The following CREBBP variants were observed in gnomAD, a reference collection of about 807,000 sequenced individuals.
The protein encoded by CREBBP is CREB binding lysine acetyltransferase.
In CREBBP, 19 loss-of-function variants were observed where a neutral mutation model predicts 265.0. That is an observed-to-expected ratio of 0.07 (90% CI 0.05 to 0.11). The LOEUF (loss-of-function observed/expected upper bound fraction) is 0.11, where lower values mean the gene tolerates loss of function less well. Among genes scored for constraint, CREBBP ranks in the 10% least tolerant of loss-of-function variants. The probability of loss-of-function intolerance (pLI) is 1.00; values close to 1 mark genes in which losing one functional copy is unlikely to be tolerated. For synonymous variants in CREBBP, 1,457 were observed against 1,223.7 expected, an observed-to-expected ratio of 1.19 and a Z score of -3.98; for missense variants, 2,525 against 3,219.0, an observed-to-expected ratio of 0.78 and a Z score of 5.22.
intron 16 of CREBBP, among the ~76,000 whole-genome samples, chr16:3,764,184 G>T (rs1216371661): frequency 6.6e-6 from 1 of 152,080 alleles, no homozygotes; most frequent in South Asian, 2.1e-4. Flanking sequence ...TGTTGCCCAG[G>T]CTGGCTTGAA....
At chr16:3,853,437 T>A (rs543175927) in intron 1 of CREBBP, among the ~76,000 whole-genome samples, 2 of 150,676 alleles carry the variant, frequency 1.3e-5, no homozygotes, top group African/African-American at 4.9e-5. Flanking sequence ...GGTGAAACCC[T>A]GTCTCTACTA....
intron 15 of CREBBP, among the ~76,000 whole-genome samples, chr16:3,768,749 C>T (rs2052925801): frequency 6.6e-6 from 1 of 152,112 alleles, no homozygotes; most frequent in Non-Finnish European, 1.5e-5. Context: ...TTGCAATTTC[C>T]TGATTTTTAA....
At chr16:3,873,049 A>C (rs1242655900) in intron 1 of CREBBP, among the ~76,000 whole-genome samples, 2 of 152,112 alleles carry the variant, frequency 1.3e-5, no homozygotes, top group African/African-American at 4.8e-5. Flanking sequence ...CCTTTCCTTA[A>C]GTTTTGCCTC....
At chr16:3,853,031 A>C (rs2054885902) in intron 1 of CREBBP, among the ~76,000 whole-genome samples, 1 of 151,536 alleles carries the variant, frequency 6.6e-6, no homozygotes, top group South Asian at 2.1e-4. Context: ...CAGACTCTAT[A>C]CTGGGGCTGC....
Position 3,810,766 on chromosome 16 carries a change from C to T in CREBBP, c.812G>A (p.Gly271Glu), listed in dbSNP as rs1567331479. 6.2e-7 allele frequency: 1 copy of T among 1,613,776 alleles called. No individual in the cohort carries two copies. The change falls in exon 3 of 31, where the codon GGG becomes GAG. Residue 271 changes from glycine to glutamate, a missense_variant. By Grantham distance (98) the Gly-to-Glu change is moderately conservative (BLOSUM62 -2). Coordinates refer to ENST00000262367, the MANE Select transcript of CREBBP (RefSeq NM_004380.3). ...GGGCTGTCCAAATGGACTTGTGTTC[C>T]CAGTTATTCCCATCTGAAACAAAAA... ...AGGMAKMGIT[G>E]NTSPFGQPFS...
chr16:3,764,634 A>G (rs1461521721), intron 16 of CREBBP, among the ~76,000 whole-genome samples: 1 of 152,150 alleles, frequency 6.6e-6, no homozygotes, highest in Non-Finnish European at 1.5e-5. Flanking sequence ...TCCAGGCTGG[A>G]GTCCAACAGT....
At chr16:3,810,813 G>A in intron 2 of CREBBP, 34 bp from the exon 3 acceptor site, 1 of 1,608,464 alleles carries the variant, frequency 6.2e-7, no homozygotes, top group Non-Finnish European at 8.5e-7. Context: ...CAGCTGTGGT[G>A]ACGCAGTCAA....
At position 3,770,755 on chromosome 16, in the gene CREBBP, G is replaced by A. The variant is rs1186080322; in HGVS notation, c.2695C>T (p.Pro899Ser). 6.2e-7 allele frequency: 1 copy of A among 1,614,134 alleles called. No homozygotes were observed. Among genetic ancestry groups the A allele is most frequent in the Non-Finnish European group, 8.5e-7 (1 of 1,180,028 alleles). The part of the protein sequence containing the change: ...STPVSSSGQT[P>S]TPTPGSVPSA... ...GGCACTGAGCCAGGAGTCGGGGTGG[G>A]AGTCTGCCCGGAAGACGACACAGGA... Residue 899 changes from proline (P) to serine (S), a missense_variant, in exon 14 of 31, where the codon CCC becomes TCC. By Grantham distance (74) the Pro-to-Ser change is moderately conservative. Around this residue, in one of 19 missense-constraint regions of CREBBP, gnomAD observed 548 missense variants for 533.0 expected, o/e 1.03. Coordinates refer to ENST00000262367, the MANE Select transcript of CREBBP (RefSeq NM_004380.3).
In CREBBP at chr16:3,782,557, GATT is replaced by G. The variant is rs1029895679; in HGVS notation, c.1573+124_1573+126del. On this transcript the variant is annotated intron_variant, in intron 6 of 30. Coordinates refer to ENST00000262367, the MANE Select transcript of CREBBP (RefSeq NM_004380.3). ...CAGATACTTCAGCTTTTTCCTGGGA[GATT>G]TTTTATTTCAACCACCGTAGTAAAA... 3 of 1,273,112 alleles carry G rather than the reference GATT, an allele frequency of 2.4e-6. No homozygotes were observed. In the African/African-American group the frequency reaches 4.5e-5, roughly 19 times the overall value. 78.9% of individuals were successfully genotyped at this position (1,273,112 alleles called of 1,614,324 possible).
chr16:3,784,782 C>T (rs9923323), intron 5 of CREBBP, among the ~76,000 whole-genome samples: 1,755 of 152,278 alleles, frequency 0.012, 35 homozygotes, highest in African/African-American at 0.04. Context: ...CTAAAATGCC[C>T]CACCTTACAG....
intron 1 of CREBBP, among the ~76,000 whole-genome samples, chr16:3,856,084 T>C (rs1048685707): frequency 2.0e-5 from 3 of 152,300 alleles, no homozygotes; most frequent in Non-Finnish European, 4.4e-5. Context: ...CAACTACAAA[T>C]AAAAGGAAAA....
rs780907309 is a variant in CREBBP, at chr16:3,739,590, G to C, written c.4268C>G (p.Pro1423Arg). ...HVQEYGSDCP[P>R]PNTRRVYISY... ...GCTGGAAAACTACCTCGTGTTTGGA[G>C]GGGGGCAATCAGAGCCGTATTCTTG... is the stretch of plus-strand genomic sequence containing the variant. The change falls in exon 25 of 31, where the codon CCT becomes CGT. Residue 1423 changes from proline to arginine, a missense_variant. Around this residue, in one of 19 missense-constraint regions of CREBBP, gnomAD observed 252 missense variants for 452.5 expected, o/e 0.56. Coordinates refer to ENST00000262367, the MANE Select transcript of CREBBP (RefSeq NM_004380.3). 1.2e-6 allele frequency: 2 copies of C among 1,614,162 alleles called. No individual in the cohort carries two copies. Among genetic ancestry groups the C allele is most frequent in the Non-Finnish European group, 1.7e-6 (2 of 1,180,024 alleles).
intron 2 of CREBBP, among the ~76,000 whole-genome samples, chr16:3,832,232 T>C (rs1056708462): frequency 1.3e-5 from 2 of 152,174 alleles, no homozygotes; most frequent in Admixed American, 1.3e-4. Context: ...CCTGGATCGC[T>C]TCACTGGTGA....
chr16:3,768,313 T>G (rs1167692114), intron 15 of CREBBP, among the ~76,000 whole-genome samples: 2 of 151,844 alleles, frequency 1.3e-5, no homozygotes, highest in Non-Finnish European at 2.9e-5. Context: ...ACTCGGCTAA[T>G]TTTTTATATT....
intron 2 of CREBBP, among the ~76,000 whole-genome samples, chr16:3,849,430 TG>T (rs2054752005): frequency 2.3e-4 from 2 of 8,576 alleles, no homozygotes; most frequent in Admixed American, 3.3e-3. Context: ...TGTGTGTGTG[TG>T]TGTGTGTGTG....
intron 23 of CREBBP, chr16:3,743,256 G>A (rs1483326412): frequency 2.0e-5 from 3 of 152,242 alleles, no homozygotes; most frequent in Non-Finnish European, 4.4e-5. Context: ...AAAACAGAGG[G>A]TTACCTGGCC....
chr16:3,860,423 T>TG (rs1326346339), intron 1 of CREBBP, among the ~76,000 whole-genome samples: 1 of 152,114 alleles, frequency 6.6e-6, no homozygotes, highest in African/African-American at 2.4e-5. Context: ...TGGCTCACTG[T>TG]AGCCTCAAAC....
intron 30 of CREBBP, 55 bp from the exon 31 acceptor site, chr16:3,729,929 G>A (rs2051866445): frequency 5.7e-6 from 9 of 1,588,222 alleles, no homozygotes; most frequent in South Asian, 3.4e-5. Context: ...AGTACCACCA[G>A]GCATCCTGGC....
intron 16 of CREBBP, among the ~76,000 whole-genome samples, chr16:3,762,677 T>C (rs960376824): frequency 6.6e-6 from 1 of 152,226 alleles, no homozygotes; most frequent in African/African-American, 2.4e-5. Flanking sequence ...TGGAGGCTGC[T>C]GTCTCATATC....
Sources: allele counts gnomAD v4.1 joint callset (sites outside exome capture counted in the v4.1 genomes callset), GRCh38; gene constraint gnomAD v4.1.1; regional missense constraint gnomAD v4.1.1; transcripts MANE v1.5; gene names NCBI Gene and HGNC (gene_info 2026-07-23, HGNC 2026-07-21).